Variants in MARCHF1 observed in about 807,000 individuals in gnomAD.
The protein encoded by MARCHF1 is E3 ubiquitin-protein ligase MARCHF1.
Under a neutral mutation model 54.2 loss-of-function variants are expected in MARCHF1, and 40 were observed. The ratio of observed to expected loss-of-function variants is 0.74; its 90% CI spans 0.57 to 0.96. The LOEUF is 0.96. Ranked by LOEUF, MARCHF1 falls within the 40% of genes least tolerant of loss-of-function variation. The probability of loss-of-function intolerance (pLI) is 0.00; values close to 1 mark genes in which losing one functional copy is unlikely to be tolerated. For synonymous variants in MARCHF1, 236 were observed against 236.3 expected (o/e 1.00, Z 0.01); for missense variants, 586 against 656.5 (o/e 0.89, Z 1.17).
At chr4:163,811,463 A>C (rs1339613521) in intron 4 of MARCHF1, among the ~76,000 whole-genome samples, 1 of 152,034 alleles carries the variant, frequency 6.6e-6, no homozygotes, top group African/African-American at 2.4e-5. Context: ...TGAACCCAGG[A>C]GTCCAAGGCC....
intron 1 of MARCHF1, among the ~76,000 whole-genome samples, chr4:164,138,943 C>T (rs1217658303): frequency 6.6e-6 from 1 of 152,102 alleles, no homozygotes; most frequent in Non-Finnish European, 1.5e-5. Flanking sequence ...ATTATTATAA[C>T]AAAAATAAGC....
At chr4:164,128,018 A>G (rs971544323) in intron 1 of MARCHF1, among the ~76,000 whole-genome samples, 1 of 152,208 alleles carries the variant, frequency 6.6e-6, no homozygotes, top group African/African-American at 2.4e-5. Flanking sequence ...CATAGAGTAG[A>G]AATTCAAGAA....
chr4:163,907,054 A>G (rs975595466), intron 3 of MARCHF1, among the ~76,000 whole-genome samples: 7 of 152,030 alleles, frequency 4.6e-5, no homozygotes, highest in Non-Finnish European at 1.5e-5. Context: ...TTCTTCAGTA[A>G]CATGTATTTT....
In MARCHF1 at chr4:164,287,486, A is replaced by G. The variant is rs547408572; in HGVS notation, c.-323+96384T>C. Reference sequence around the variant, plus strand: ...CATCCTGATTAGAAAGCTGTACTACAAGGCATTCCTTACAATCACTAAGCT... The same window carrying G: ...CATCCTGATTAGAAAGCTGTACTACGAGGCATTCCTTACAATCACTAAGCT... On this transcript the variant is annotated intron_variant, in intron 1 of 9. Transcript: ENST00000514618. Among the ~76,000 whole-genome samples the G allele has an allele frequency of 9.2e-4, 140 of 152,288 alleles. 1 individual carries two copies. The highest frequency in any genetic ancestry group is 3.3e-3 in the African/African-American group (136 of 41,562).
intron 4 of MARCHF1, among the ~76,000 whole-genome samples, chr4:163,844,053 T>C (rs1369831463): frequency 6.6e-6 from 1 of 152,108 alleles, no homozygotes; most frequent in African/African-American, 2.4e-5. Context: ...TCATGAGGGT[T>C]TGTTGTACAT....
chr4:163,636,156 C>A (rs1025868518), intron 5 of MARCHF1, among the ~76,000 whole-genome samples: 3 of 152,156 alleles, frequency 2.0e-5, no homozygotes, highest in Non-Finnish European at 4.4e-5. Context: ...TGGGAAAAAA[C>A]TGGAAGCATT....
intron 2 of MARCHF1, among the ~76,000 whole-genome samples, chr4:163,994,793 A>G (rs1753040929): frequency 7.1e-5 from 1 of 14,066 alleles, no homozygotes; most frequent in Non-Finnish European, 1.3e-3. Flanking sequence ...ACACACACAC[A>G]CAAAACAAAT....
At chr4:164,305,945 G>A (rs544192007) in intron 1 of MARCHF1, among the ~76,000 whole-genome samples, 39 of 152,040 alleles carry the variant, frequency 2.6e-4, no homozygotes, top group Non-Finnish European at 4.1e-4. Context: ...TAGTACCGCA[G>A]CATGTTAAAT....
At chr4:164,064,713 C>A (rs1260205760) in intron 2 of MARCHF1, among the ~76,000 whole-genome samples, 1 of 152,104 alleles carries the variant, frequency 6.6e-6, no homozygotes, top group Non-Finnish European at 1.5e-5. Context: ...AGAAGGCATC[C>A]TTGTCTTGTG....
intron 3 of MARCHF1, among the ~76,000 whole-genome samples, chr4:163,868,765 T>C (rs1193237419): frequency 1.3e-5 from 2 of 149,782 alleles, no homozygotes; most frequent in African/African-American, 2.5e-5. Context: ...GAACTGGTGA[T>C]TTAAAAAAAA....
intron 7 of MARCHF1, among the ~76,000 whole-genome samples, chr4:163,590,945 A>C (rs1740569633): frequency 6.6e-6 from 1 of 151,904 alleles, no homozygotes; most frequent in East Asian, 1.9e-4. Flanking sequence ...AAATTACTTA[A>C]TCTCTGTGTT....
chr4:163,986,894 GT>G (rs944786522), intron 3 of MARCHF1, among the ~76,000 whole-genome samples: 3 of 152,136 alleles, frequency 2.0e-5, no homozygotes, highest in African/African-American at 7.2e-5. Flanking sequence ...ACACAATGTT[GT>G]TTTCTTTTCC....
chr4:163,765,333 G>T (rs73870035), intron 4 of MARCHF1, among the ~76,000 whole-genome samples: 4,370 of 152,136 alleles, frequency 0.029, 139 homozygotes, highest in African/African-American at 0.075. Flanking sequence ...TATTATCAAT[G>T]TACAAAAGAA....
chr4:163,855,757 T>A (rs1207371220), intron 3 of MARCHF1, among the ~76,000 whole-genome samples: 1 of 152,232 alleles, frequency 6.6e-6, no homozygotes, highest in Non-Finnish European at 1.5e-5. Context: ...CACAAAATTA[T>A]GACACCATCA....
At chr4:164,327,263 G>A (rs1735308157) in intron 1 of MARCHF1, among the ~76,000 whole-genome samples, 1 of 152,148 alleles carries the variant, frequency 6.6e-6, no homozygotes, top group African/African-American at 2.4e-5. Flanking sequence ...GGAAACAAAG[G>A]TAGGAGCATC....
In MARCHF1 at chr4:163,936,884, A is replaced by G. The variant is rs565211636; in HGVS notation, c.-39+51617T>C. Among the ~76,000 whole-genome samples, 23 of 152,342 alleles carry G rather than the reference A, an allele frequency of 1.5e-4. No homozygotes were observed. In the East Asian group the frequency reaches 2.1e-3, roughly 14 times the overall value. On this transcript the variant is annotated intron_variant, in intron 3 of 9. Transcript: ENST00000514618. ...CAGGCTCAGCCTCTCCAAGAAGAGT[A>G]TATAAGAGTGGCTTTGGGACACAGT...
intron 4 of MARCHF1, among the ~76,000 whole-genome samples, chr4:163,763,633 C>T (rs1178388692): frequency 1.3e-5 from 2 of 151,780 alleles, no homozygotes; most frequent in African/African-American, 4.8e-5. Context: ...ACCCTAAACA[C>T]TTAAAAAAAA....
intron 1 of MARCHF1, among the ~76,000 whole-genome samples, chr4:164,123,310 A>G (rs1049391880): frequency 1.3e-5 from 2 of 152,144 alleles, no homozygotes; most frequent in Non-Finnish European, 2.9e-5. Flanking sequence ...GTTGAAGAGG[A>G]CCCCAAAAGA....
intron 8 of MARCHF1, among the ~76,000 whole-genome samples, chr4:163,549,774 T>C (rs1168896034): frequency 6.6e-6 from 1 of 152,204 alleles, no homozygotes; most frequent in Non-Finnish European, 1.5e-5. Context: ...GTATGTTTTT[T>C]CTGAATTGTA....
Sources: allele counts gnomAD v4.1 joint callset (sites outside exome capture counted in the v4.1 genomes callset), GRCh38; gene constraint gnomAD v4.1.1; transcripts MANE v1.5; gene names NCBI Gene and HGNC (gene_info 2026-07-23, HGNC 2026-07-21).